The following ST6GALNAC3 variants were observed in gnomAD, a reference collection of about 807,000 sequenced individuals.
ST6GALNAC3 encodes the protein ST6 N-acetylgalactosaminide alpha-2,6-sialyltransferase 3.
ST6GALNAC3 carries 25 observed loss-of-function variants against 32.7 expected under a neutral mutation model. That is an observed-to-expected ratio of 0.76 (90% CI 0.56 to 1.07). The LOEUF (loss-of-function observed/expected upper bound fraction) is 1.07, where lower values mean the gene tolerates loss of function less well. ST6GALNAC3 is among the 50% of genes least tolerant of loss of function. The pLI, the probability that ST6GALNAC3 is intolerant of heterozygous loss-of-function variation, is 0.00. For missense variants in ST6GALNAC3, 355 were observed against 382.4 expected (o/e 0.93, Z 0.60); for synonymous variants, 129 against 133.1 (o/e 0.97, Z 0.21).
At chr1:76,252,930 A>G (rs1203258960) in intron 1 of ST6GALNAC3, among the ~76,000 whole-genome samples, 1 of 152,142 alleles carries the variant, frequency 6.6e-6, no homozygotes, top group Non-Finnish European at 1.5e-5. Flanking sequence ...GTCTATTATC[A>G]TGAACCAGTC....
intron 2 of ST6GALNAC3, among the ~76,000 whole-genome samples, chr1:76,334,807 G>A (rs1015198284): frequency 6.6e-6 from 1 of 151,990 alleles, no homozygotes; most frequent in African/African-American, 2.4e-5. Flanking sequence ...AACACCAATT[G>A]ATGGGCCCCA....
chr1:76,102,078 T>A (rs531745881), intron 1 of ST6GALNAC3, among the ~76,000 whole-genome samples: 2 of 152,322 alleles, frequency 1.3e-5, no homozygotes, highest in Non-Finnish European at 2.9e-5. Context: ...CTGAGAGAGA[T>A]ATGTTAAAAT....
chr1:76,432,960 A>AT (rs1655876711), intron 3 of ST6GALNAC3, among the ~76,000 whole-genome samples: 1 of 152,078 alleles, frequency 6.6e-6, no homozygotes, highest in South Asian at 2.1e-4. Flanking sequence ...CTCCATTCTC[A>AT]TTATGTTGAT....
At chr1:76,506,726 G>A (rs1470212740) in intron 3 of ST6GALNAC3, among the ~76,000 whole-genome samples, 1 of 152,210 alleles carries the variant, frequency 6.6e-6, no homozygotes, top group African/African-American at 2.4e-5. Context: ...AGTGAAAAGA[G>A]GCAGACCGCG....
At chr1:76,397,406 T>C (rs1653055136) in intron 2 of ST6GALNAC3, among the ~76,000 whole-genome samples, 1 of 136,228 alleles carries the variant, frequency 7.3e-6, no homozygotes, top group Non-Finnish European at 1.5e-5. Context: ...AGTTTCACAC[T>C]TGTTGCCCAG....
chr1:76,426,594 AAG>A (rs919359285), intron 3 of ST6GALNAC3, among the ~76,000 whole-genome samples: 6 of 150,966 alleles, frequency 4.0e-5, no homozygotes, highest in Non-Finnish European at 5.9e-5. Flanking sequence ...GAGAGAGAGA[AAG>A]AGAGAGAGAG....
At chr1:76,247,356 A>G (rs1657325893) in intron 1 of ST6GALNAC3, among the ~76,000 whole-genome samples, 1 of 152,132 alleles carries the variant, frequency 6.6e-6, no homozygotes, top group Non-Finnish European at 1.5e-5. Context: ...CCTTGTCAGG[A>G]TCAGCTGTTC....
chr1:76,624,460 C>T (rs1454327884), intron 3 of ST6GALNAC3, among the ~76,000 whole-genome samples: 2 of 151,880 alleles, frequency 1.3e-5, no homozygotes, highest in African/African-American at 4.8e-5. Context: ...CCTTCAGAAA[C>T]GACTGTGTGG....
At chr1:76,087,495 T>A (rs1247415316) in intron 1 of ST6GALNAC3, among the ~76,000 whole-genome samples, 1 of 152,178 alleles carries the variant, frequency 6.6e-6, no homozygotes, top group Admixed American at 6.5e-5. Context: ...ACATCTAATT[T>A]TTTTTCTAGG....
chr1:76,399,273 T>A (rs1375509831), intron 2 of ST6GALNAC3, among the ~76,000 whole-genome samples: 1 of 152,176 alleles, frequency 6.6e-6, no homozygotes, highest in Non-Finnish European at 1.5e-5. Flanking sequence ...GGTATGAAAA[T>A]TTTCTCCTGC....
chr1:76,086,646 TCAA>T (rs1181679318), intron 1 of ST6GALNAC3, among the ~76,000 whole-genome samples: 1 of 152,150 alleles, frequency 6.6e-6, no homozygotes, highest in Non-Finnish European at 1.5e-5. Flanking sequence ...AACCATACTA[TCAA>T]CCCAAGAGAA....
intron 3 of ST6GALNAC3, among the ~76,000 whole-genome samples, chr1:76,479,257 T>G (rs1367957045): frequency 6.6e-6 from 1 of 152,072 alleles, no homozygotes. Context: ...ACAGACAAAA[T>G]AAAATCTGTT....
chr1:76,322,359 A>G (rs1646983569), intron 2 of ST6GALNAC3, among the ~76,000 whole-genome samples: 1 of 152,206 alleles, frequency 6.6e-6, no homozygotes, highest in South Asian at 2.1e-4. Context: ...GCTAAGGATC[A>G]GCAATGAACT....
intron 1 of ST6GALNAC3, among the ~76,000 whole-genome samples, chr1:76,224,492 G>T (rs1557708653): frequency 6.6e-6 from 1 of 152,218 alleles, no homozygotes; most frequent in Non-Finnish European, 1.5e-5. Flanking sequence ...CCTTCTTGCA[G>T]GCAAATGATT....
intron 3 of ST6GALNAC3, chr1:76,576,861 C>T: frequency 3.1e-6 from 4 of 1,304,916 alleles, no homozygotes; most frequent in Non-Finnish European, 4.0e-6. Flanking sequence ...AGTGACCATG[C>T]AGTGTTGATT....
chr1:76,366,644 C>T (rs999699858), intron 2 of ST6GALNAC3, among the ~76,000 whole-genome samples: 2 of 152,078 alleles, frequency 1.3e-5, no homozygotes, highest in Non-Finnish European at 2.9e-5. Flanking sequence ...TTCTTAATAT[C>T]GTAACTTGAA....
intron 1 of ST6GALNAC3, among the ~76,000 whole-genome samples, chr1:76,267,455 G>A (rs1354014317): frequency 6.6e-6 from 1 of 152,010 alleles, no homozygotes; most frequent in Admixed American, 6.6e-5. Flanking sequence ...CTCTTTACCA[G>A]AACAGAGCAT....
intron 3 of ST6GALNAC3, among the ~76,000 whole-genome samples, chr1:76,478,820 T>C (rs1659523817): frequency 6.8e-6 from 1 of 147,518 alleles, no homozygotes; most frequent in African/African-American, 2.5e-5. Context: ...TGGAGTGCAG[T>C]GGCTCGATCT....
At chr1:76,416,417 A>G (rs187214193) in intron 3 of ST6GALNAC3, among the ~76,000 whole-genome samples, 6 of 152,068 alleles carry the variant, frequency 3.9e-5, no homozygotes, top group Non-Finnish European at 8.8e-5. Context: ...CAGAGAGACA[A>G]TGTCATCATT....
Sources: gnomAD v4.1 joint callset for allele counts (sites outside exome capture counted in the v4.1 genomes callset) on GRCh38, gnomAD v4.1.1 for gene constraint, MANE v1.5 for transcripts, NCBI Gene and HGNC (gene_info 2026-07-23, HGNC 2026-07-21) for gene names.